The following ZFHX3 variants were observed in gnomAD, a reference collection of about 807,000 sequenced individuals.
ZFHX3 encodes zinc finger homeobox 3.
ZFHX3 carries 42 observed loss-of-function variants against 279.1 expected under a neutral mutation model. That is an observed-to-expected ratio of 0.15 (90% CI 0.12 to 0.19). The LOEUF is 0.19. Among genes scored for constraint, ZFHX3 ranks in the 10% least tolerant of loss-of-function variants. The pLI is 1.00. For synonymous variants in ZFHX3, 2,293 were observed against 1,957.8 expected, an observed-to-expected ratio of 1.17 and a Z score of -4.52; for missense variants, 4,981 against 4,754.0, an observed-to-expected ratio of 1.05 and a Z score of -1.40.
At chr16:73,571,325 G>A (rs559412723) in intron 2 of ZFHX3, among the ~76,000 whole-genome samples, 141 of 151,976 alleles carry the variant, frequency 9.3e-4, no homozygotes, top group Middle Eastern at 3.4e-3. Flanking sequence ...AAAAATGAAC[G>A]AAAAAGCTTA....
At chr16:73,156,516 C>A (rs1967089162) in intron 5 of ZFHX3, among the ~76,000 whole-genome samples, 1 of 152,110 alleles carries the variant, frequency 6.6e-6, no homozygotes. Context: ...TTAAACTAAG[C>A]CTTCGCTCCT....
intron 1 of ZFHX3, among the ~76,000 whole-genome samples, chr16:72,965,379 C>G (rs1174589712): frequency 6.6e-6 from 1 of 152,134 alleles, no homozygotes; most frequent in East Asian, 1.9e-4. Context: ...CAGTTCAAAG[C>G]AGACTGATTT....
intron 7 of ZFHX3, among the ~76,000 whole-genome samples, chr16:73,109,848 C>CAAAACAAAAACAAAAACA (rs56066135): frequency 6.7e-5 from 10 of 149,882 alleles, no homozygotes; most frequent in South Asian, 4.2e-4. Flanking sequence ...GACTTGGTCT[C>CAAAACAAAAACAAAAACA]AAAACAAAAA....
intron 8 of ZFHX3, among the ~76,000 whole-genome samples, chr16:73,077,930 G>A (rs546340961): frequency 2.6e-5 from 4 of 152,126 alleles, no homozygotes; most frequent in African/African-American, 7.2e-5. Flanking sequence ...TCAGCCTCCC[G>A]AGGAGCTAGG....
chr16:73,881,415 TG>T (rs1295139838), intron 1 of ZFHX3, among the ~76,000 whole-genome samples: 1 of 147,280 alleles, frequency 6.8e-6, no homozygotes, highest in Non-Finnish European at 1.5e-5. Context: ...TTTGAAGGTT[TG>T]CTGGTAATGA....
At chr16:73,074,239 TC>T (rs1404726315) in intron 8 of ZFHX3, among the ~76,000 whole-genome samples, 1 of 152,202 alleles carries the variant, frequency 6.6e-6, no homozygotes, top group Non-Finnish European at 1.5e-5. Flanking sequence ...AGGCTCAGGC[TC>T]ACTTCCTCAC....
chr16:72,787,991 G>C lies in ZFHX3; in HGVS notation c.10285C>G (p.Arg3429Gly). Residue 3429 changes from arginine (R) to glycine (G), a missense_variant, in exon 10 of 10, where the codon CGT becomes GGT. Physicochemically the swap from Arg to Gly is moderately radical, Grantham distance 125. Coordinates refer to ENST00000268489, the MANE Select transcript of ZFHX3 (RefSeq NM_006885.4). ...PKPEEQKNTP[R>G]EVSPLLPKLP... ...TTCGGCAGGAGGGGGGACACCTCAC[G>C]GGGGGTGTTTTTCTGTTCTTCTGGT... The C allele has an allele frequency of 8.7e-6, 14 of 1,613,630 alleles. No individual in the cohort carries two copies. The highest frequency in any genetic ancestry group is 1.2e-5 in the Non-Finnish European group (14 of 1,179,934).
At chr16:73,760,118 T>C (rs946373754) in intron 1 of ZFHX3, among the ~76,000 whole-genome samples, 4 of 151,890 alleles carry the variant, frequency 2.6e-5, no homozygotes, top group African/African-American at 9.7e-5. Flanking sequence ...AGGATGTCAC[T>C]ACTTACTCCA....
intron 2 of ZFHX3, among the ~76,000 whole-genome samples, chr16:73,471,330 T>A (rs1370092729): frequency 6.6e-6 from 1 of 152,174 alleles, no homozygotes; most frequent in African/African-American, 2.4e-5. Context: ...CTAAAGAGAT[T>A]AGCCAAGGTA....
At chr16:73,291,958 C>G (rs920402192) in intron 4 of ZFHX3, among the ~76,000 whole-genome samples, 1 of 152,132 alleles carries the variant, frequency 6.6e-6, no homozygotes, top group Non-Finnish European at 1.5e-5. Context: ...TAGAAATGGT[C>G]TGGATAGAGC....
chr16:73,553,800 G>A (rs1214493705), intron 2 of ZFHX3, among the ~76,000 whole-genome samples: 3 of 152,156 alleles, frequency 2.0e-5, no homozygotes, highest in Non-Finnish European at 2.9e-5. Context: ...GTCTTTTCCT[G>A]CTTCTAGGTG....
intron 1 of ZFHX3, among the ~76,000 whole-genome samples, chr16:73,034,714 C>A (rs1184818343): frequency 6.6e-6 from 1 of 152,182 alleles, no homozygotes; most frequent in African/African-American, 2.4e-5. Flanking sequence ...TGGGGCTGTC[C>A]CCTGAGGAGG....
At chr16:73,538,594 G>A (rs1446120132) in intron 2 of ZFHX3, among the ~76,000 whole-genome samples, 1 of 152,082 alleles carries the variant, frequency 6.6e-6, no homozygotes, top group Non-Finnish European at 1.5e-5. Flanking sequence ...AAAAGATCTG[G>A]GAAAGTAACA....
chr16:73,624,107 A>G (rs1488937796), intron 2 of ZFHX3, among the ~76,000 whole-genome samples: 1 of 152,228 alleles, frequency 6.6e-6, no homozygotes, highest in African/African-American at 2.4e-5. Context: ...TTAAGCTCAT[A>G]TCCTAGGATG....
At chr16:72,865,362 G>A (rs938717537) in intron 4 of ZFHX3, among the ~76,000 whole-genome samples, 2 of 152,218 alleles carry the variant, frequency 1.3e-5, no homozygotes, top group Non-Finnish European at 2.9e-5. Flanking sequence ...ATACACACAA[G>A]CCCGTTCAGC....
chr16:73,863,184 C>T (rs950310208), intron 1 of ZFHX3, among the ~76,000 whole-genome samples: 10 of 151,964 alleles, frequency 6.6e-5, no homozygotes, highest in African/African-American at 2.2e-4. Context: ...CCAGCCTGGG[C>T]GACAGAGCGA....
chr16:73,292,151 AG>A (rs1355319426), intron 4 of ZFHX3, among the ~76,000 whole-genome samples: 1 of 152,256 alleles, frequency 6.6e-6, no homozygotes, highest in Non-Finnish European at 1.5e-5. Flanking sequence ...AACAAATCAA[AG>A]GGAAACACTG....
chr16:73,189,351 C>A (rs9929190), intron 5 of ZFHX3, among the ~76,000 whole-genome samples: 1 of 152,162 alleles, frequency 6.6e-6, no homozygotes, highest in South Asian at 2.1e-4. Flanking sequence ...TCACTGGGGT[C>A]GGCAGATGCC....
At chr16:73,416,863 G>A (rs1274917832) in intron 3 of ZFHX3, among the ~76,000 whole-genome samples, 1 of 151,838 alleles carries the variant, frequency 6.6e-6, no homozygotes, top group Admixed American at 6.6e-5. Flanking sequence ...GACAGAGCGA[G>A]ACTCCGTCTC....
Sources: allele counts gnomAD v4.1 joint callset (sites outside exome capture counted in the v4.1 genomes callset), GRCh38; gene constraint gnomAD v4.1.1; transcripts MANE v1.5; gene names NCBI Gene and HGNC (gene_info 2026-07-23, HGNC 2026-07-21).